ATP6V0D2: variants seen among roughly 807,000 people sequenced by gnomAD.
ATP6V0D2 encodes the protein ATPase H+ transporting V0 subunit d2, also known as V-type proton ATPase subunit d 2.
A neutral mutation model predicts 40.0 loss-of-function variants in ATP6V0D2; 40 were observed. The observed-to-expected ratio is 1.00, with a 90% confidence interval of 0.78 to 1.30. The LOEUF is 1.30. Among genes scored for constraint, ATP6V0D2 ranks in the 50% most tolerant of loss-of-function variants. The probability of loss-of-function intolerance (pLI) is 0.00; values close to 1 mark genes in which losing one functional copy is unlikely to be tolerated. For synonymous variants in ATP6V0D2, 179 were observed against 156.3 expected (o/e 1.15, Z -1.08); for missense variants, 470 against 423.1 (o/e 1.11, Z -0.97).
At chr8:86,112,653 A>G (rs1810117385) in intron 1 of ATP6V0D2, among the ~76,000 whole-genome samples, 1 of 151,842 alleles carries the variant, frequency 6.6e-6, no homozygotes, top group Non-Finnish European at 1.5e-5. Flanking sequence ...AGCCAATCTG[A>G]AAAGGGGTGG....
At chr8:86,150,752 G>C (rs1460424305) in intron 6 of ATP6V0D2, among the ~76,000 whole-genome samples, 1 of 152,170 alleles carries the variant, frequency 6.6e-6, no homozygotes. Context: ...TGAGTGGCCA[G>C]AAATCAGGAG....
At position 86,134,194 on chromosome 8, in the gene ATP6V0D2, A is replaced by T. The variant is rs550786570; in HGVS notation, c.303-5263A>T. 4.6e-5 allele frequency among the ~76,000 whole-genome samples: 7 copies of T among 152,316 alleles called. No individual in the cohort carries two copies. In the East Asian group the frequency reaches 1.2e-3, roughly 25 times the overall value. ...TTTCAAGCACTAAAGACAAGAAAAA[A>T]AAATAGCATTTTGTATTCAGTGAAA... On this transcript the variant is annotated intron_variant, in intron 2 of 7. Coordinates refer to ENST00000285393, the MANE Select transcript of ATP6V0D2 (RefSeq NM_152565.1).
chr8:86,104,952 G>A (rs368965699), intron 1 of ATP6V0D2, among the ~76,000 whole-genome samples: 3 of 151,640 alleles, frequency 2.0e-5, no homozygotes, highest in African/African-American at 2.4e-5. Context: ...TAAGCCCTTC[G>A]TCAGAATGTT....
chr8:86,125,220 A>G (rs1818724166), intron 2 of ATP6V0D2, among the ~76,000 whole-genome samples: 1 of 152,210 alleles, frequency 6.6e-6, no homozygotes, highest in Non-Finnish European at 1.5e-5. Context: ...TGAGTGGGAT[A>G]CAAATCAGTA....
At chr8:86,146,823 G>A (rs77647738) in intron 5 of ATP6V0D2, among the ~76,000 whole-genome samples, 8 of 152,024 alleles carry the variant, frequency 5.3e-5, no homozygotes, top group East Asian at 1.9e-4. Context: ...AAATACTTTC[G>A]ATCATGTAAT....
chr8:86,129,266 C>T (rs1378020296), intron 2 of ATP6V0D2, among the ~76,000 whole-genome samples: 1 of 152,234 alleles, frequency 6.6e-6, no homozygotes, highest in Non-Finnish European at 1.5e-5. Context: ...ACTGTGACAA[C>T]TTCTTTATGA....
chr8:86,104,506 A>G (rs1279990506), intron 1 of ATP6V0D2, among the ~76,000 whole-genome samples: 1 of 152,200 alleles, frequency 6.6e-6, no homozygotes, highest in Non-Finnish European at 1.5e-5. Context: ...GGCACTCTTT[A>G]GTAAAAAGTG....
intron 6 of ATP6V0D2, 48 bp downstream of exon 6, chr8:86,150,336 C>T (rs1563567904): frequency 6.4e-7 from 1 of 1,558,304 alleles, no homozygotes; most frequent in Admixed American, 1.8e-5. Flanking sequence ...TCATTCATTT[C>T]CATGTGCTTT....
At chr8:86,138,022 G>C (rs988103690) in intron 2 of ATP6V0D2, among the ~76,000 whole-genome samples, 18 of 152,124 alleles carry the variant, frequency 1.2e-4, no homozygotes, top group African/African-American at 4.3e-4. Flanking sequence ...TTCAGTGTAA[G>C]GGCAGTCAGT....
In ATP6V0D2 at chr8:86,121,560, A is replaced by G. The variant is rs371625869; in HGVS notation, c.302+7680A>G. On this transcript the variant is annotated intron_variant, in intron 2 of 7. Transcript: ENST00000285393. The stretch of plus-strand genomic sequence containing the variant: ...ACTCCAGCCTGGGTGACAGAGCAAG[A>G]CTCCACCATTTCAAAAGAAGGAGGA... 1.2e-4 allele frequency among the ~76,000 whole-genome samples: 18 copies of G among 150,620 alleles called. No individual in the cohort carries two copies. In the East Asian group the frequency reaches 2.7e-3, roughly 23 times the overall value.
At chr8:86,112,139 C>G (rs993730454) in intron 1 of ATP6V0D2, among the ~76,000 whole-genome samples, 1 of 152,142 alleles carries the variant, frequency 6.6e-6, no homozygotes, top group African/African-American at 2.4e-5. Context: ...CATAAGGAGT[C>G]ACAGGTAAAA....
chr8:86,113,871 C>T lies in ATP6V0D2; in HGVS notation c.293C>T (p.Thr98Ile), dbSNP rs1376932931. ...CTGGAGCCCCTCAGCACATTTCTCA[C>T]CTATATGACGTAAGTGATGACAGAA... ...HSLEPLSTFL[T>I]YMTCSYMIDN... The change falls in exon 2 of 8, where the codon ACC (threonine) becomes ATC (isoleucine). Residue 98 changes from threonine to isoleucine, a missense_variant. Physicochemically the swap from Thr to Ile is moderately conservative, Grantham distance 89. Transcript: ENST00000285393. 1 of 1,611,224 alleles carries T rather than the reference C, an allele frequency of 6.2e-7. No homozygotes were observed. The highest frequency in any genetic ancestry group is 8.5e-7 in the Non-Finnish European group (1 of 1,178,758).
intron 1 of ATP6V0D2, among the ~76,000 whole-genome samples, chr8:86,102,017 AGG>A (rs1818405587): frequency 2.0e-5 from 3 of 152,196 alleles, no homozygotes; most frequent in Non-Finnish European, 4.4e-5. Flanking sequence ...CTGTTAGTTG[AGG>A]ACACTGGGGC....
intron 7 of ATP6V0D2, 86 bp from the exon 8 acceptor site, chr8:86,152,730 C>T: frequency 7.3e-7 from 1 of 1,377,774 alleles, no homozygotes; most frequent in Non-Finnish European, 9.7e-7. Flanking sequence ...AAGCACTGCA[C>T]AAGTTCAAGC....
At chr8:86,121,343 G>A (rs1483231098) in intron 2 of ATP6V0D2, among the ~76,000 whole-genome samples, 2 of 152,202 alleles carry the variant, frequency 1.3e-5, no homozygotes, top group Admixed American at 6.5e-5. Flanking sequence ...GCCGAGGTGG[G>A]CAGATCACTT....
chr8:86,126,495 A>G (rs887708974), intron 2 of ATP6V0D2, among the ~76,000 whole-genome samples: 1 of 151,792 alleles, frequency 6.6e-6, no homozygotes, highest in Non-Finnish European at 1.5e-5. Context: ...GACTTACTCA[A>G]AAGCACACAG....
chr8:86,142,945 C>A lies in ATP6V0D2; in HGVS notation c.630C>A (p.Pro210=), dbSNP rs1818996328. The change falls in exon 5 of 8, where the codon CCC becomes CCA. Residue 210 remains proline (P), a synonymous_variant. Transcript: ENST00000285393. ...HGDVTAEVMC[P]ILEFEADRRA... is the part of the protein sequence containing the mutation. ...ATGTCACAGCAGAAGTTATGTGTCCCATTCTTGAGGTAAGAAAGAGTCCTT... is the reference window on the plus strand; with the variant it reads ...ATGTCACAGCAGAAGTTATGTGTCCAATTCTTGAGGTAAGAAAGAGTCCTT... 6.2e-7 allele frequency: 1 copy of A among 1,607,948 alleles called. No homozygotes were observed. Among genetic ancestry groups the A allele is most frequent in the African/African-American group, 1.3e-5 (1 of 74,736 alleles).
chr8:86,153,082 C>T lies in ATP6V0D2; in HGVS notation c.*105C>T. ...ATTATCTAGACTACACAAAAGTAAG[C>T]CACACTATATCTTCATGAGTTGCAA... On this transcript the variant is annotated 3_prime_UTR_variant, in exon 8 of 8. Coordinates refer to ENST00000285393, the MANE Select transcript of ATP6V0D2 (RefSeq NM_152565.1). 1.0e-6 allele frequency: 1 copy of T among 958,578 alleles called. No homozygotes were observed. Among genetic ancestry groups the T allele is most frequent in the South Asian group, 2.2e-5 (1 of 46,248 alleles). 59.4% of individuals were successfully genotyped at this position (958,578 alleles called of 1,614,324 possible).
Position 86,112,855 on chromosome 8 carries a change from A to C in ATP6V0D2, c.131-854A>C, listed in dbSNP as rs1424055187. Among the ~76,000 whole-genome samples the C allele has an allele frequency of 3.9e-5, 6 of 152,304 alleles. No homozygotes were observed. The East Asian group carries it at 1.2e-3, about 29-fold the overall frequency. On this transcript the variant is annotated intron_variant, in intron 1 of 7. Transcript: ENST00000285393. ...CTGGTGGAAACGATGCTGGGTTATA[A>C]GAATAAGGGGACTAATCGCCTACTT...
Sources: gnomAD v4.1 joint callset for allele counts (sites outside exome capture counted in the v4.1 genomes callset) on GRCh38, gnomAD v4.1.1 for gene constraint, MANE v1.5 for transcripts, NCBI Gene and HGNC (gene_info 2026-07-23, HGNC 2026-07-21) for gene names.